Variants in ZNF570 observed in about 807,000 individuals in gnomAD.
ZNF570 encodes the protein zinc finger protein 570.
A neutral mutation model predicts 14.2 loss-of-function variants in ZNF570; 8 were observed. The ratio of observed to expected loss-of-function variants is 0.56; its 90% CI spans 0.33 to 1.02. The LOEUF (loss-of-function observed/expected upper bound fraction) is 1.02, where lower values mean the gene tolerates loss of function less well. Ranked by LOEUF, ZNF570 falls within the 50% of genes least tolerant of loss-of-function variation. ZNF570 has a pLI of 0.03. For synonymous variants in ZNF570, 202 were observed against 207.6 expected (o/e 0.97, Z 0.23); for missense variants, 559 against 624.9 (o/e 0.89, Z 1.12).
At chr19:37,468,148 G>A, upstream of ZNF570, 1 of 577,056 alleles carries the variant, frequency 1.7e-6, no homozygotes, top group Non-Finnish European at 3.1e-6. Context: ...GTGCAGCGGC[G>A]CGATGTTGGC....
rs769630576 is a variant in ZNF570, at chr19:37,484,137, A to G, written c.515A>G (p.His172Arg). Reference protein sequence around the residue: ...EQEYKSWGSFHQNPLLCTQKI... With the variant: ...EQEYKSWGSFRQNPLLCTQKI... ...GAATATAAATCTTGGGGAAGTTTTC[A>G]TCAGAACCCACTGCTTTGTACACAA... is the stretch of plus-strand genomic sequence containing the variant. Residue 172 changes from histidine (H) to arginine (R), a missense_variant, in exon 5 of 5, where the codon CAT (histidine) becomes CGT (arginine). Transcript: ENST00000330173. The G allele has an allele frequency of 5.0e-6, 8 of 1,613,944 alleles. No homozygotes were observed. In the Admixed American group the frequency reaches 8.3e-5, roughly 17 times the overall value.
At chr19:37,473,798 G>A (rs2081096) in intron 2 of ZNF570, among the ~76,000 whole-genome samples, 39,976 of 152,054 alleles carry the variant, frequency 0.26, 6,424 homozygotes, top group African/African-American at 0.44. Context: ...GCATTGAAGA[G>A]AGTAACAGTG....
intron 4 of ZNF570, among the ~76,000 whole-genome samples, chr19:37,482,267 C>G (rs528299567): frequency 1.2e-4 from 18 of 152,266 alleles, no homozygotes; most frequent in African/African-American, 3.6e-4. Flanking sequence ...AATATAATAC[C>G]TGAGACTGGG....
In ZNF570 at chr19:37,476,360, G is replaced by A. The variant is rs937186778; in HGVS notation, c.182G>A (p.Ser61Asn). Reference sequence around the variant, plus strand: ...GCAGGACTTTGCTTTTCCAAACCAAGTGTGATATTATTGTTGGAACAAGGA... The same window carrying A: ...GCAGGACTTTGCTTTTCCAAACCAAATGTGATATTATTGTTGGAACAAGGA... ...VSLGLCFSKP[S>N]VILLLEQGKA... Residue 61 changes from serine (S) to asparagine (N), a missense_variant, in exon 4 of 5, where the codon AGT (serine) becomes AAT (asparagine). Transcript: ENST00000330173. 2 of 1,613,670 alleles carry A rather than the reference G, an allele frequency of 1.2e-6. No homozygotes were observed. The highest frequency in any genetic ancestry group is 8.5e-7 in the Non-Finnish European group (1 of 1,179,924).
intron 2 of ZNF570, among the ~76,000 whole-genome samples, chr19:37,474,255 CAAG>C (rs1242902216): frequency 2.0e-5 from 3 of 152,040 alleles, no homozygotes; most frequent in Non-Finnish European, 2.9e-5. Flanking sequence ...TGTTGACTAT[CAAG>C]AATCAGTGGA....
intron 2 of ZNF570, 151 bp downstream of exon 2, chr19:37,470,538 G>T: frequency 1.4e-6 from 1 of 708,624 alleles, no homozygotes; most frequent in Non-Finnish European, 2.4e-6. Flanking sequence ...CAAGATAAAC[G>T]CGTAAGTCCT....
chr19:37,475,641 A>G lies in ZNF570; in HGVS notation c.34-240A>G, dbSNP rs544874902. ...TGAGGAGGGTGAAGAACAGGCAATG[A>G]ATAAAATAATTAAGTGCAGTGGAGA... On this transcript the variant is annotated intron_variant, in intron 2 of 4. Coordinates refer to ENST00000330173, the MANE Select transcript of ZNF570 (RefSeq NM_144694.5). 1.1e-4 allele frequency among the ~76,000 whole-genome samples: 17 copies of G among 152,274 alleles called. No individual in the cohort carries two copies. In the South Asian group the frequency reaches 3.5e-3, roughly 32 times the overall value.
At chr19:37,476,778 C>T (rs1600381650) in intron 4 of ZNF570, among the ~76,000 whole-genome samples, 2 of 142,490 alleles carry the variant, frequency 1.4e-5, no homozygotes, top group South Asian at 2.2e-4. Flanking sequence ...GGTGCAGTCT[C>T]GGCTCACTGC....
intron 4 of ZNF570, among the ~76,000 whole-genome samples, chr19:37,479,489 T>C (rs1342833721): frequency 2.0e-5 from 3 of 152,138 alleles, no homozygotes; most frequent in African/African-American, 7.2e-5. Flanking sequence ...GTGTTTGATA[T>C]TTGCTCATTA....
At position 37,475,884 on chromosome 19, in the gene ZNF570, T is replaced by C. The variant is rs201702412; in HGVS notation, c.37T>C (p.Leu13=). 12 of 1,608,514 alleles carry C rather than the reference T, an allele frequency of 7.5e-6. No individual in the cohort carries two copies. The East Asian group carries it at 2.7e-4, about 36-fold the overall frequency. ...TCTTCCATTTATTTCATTTCAGGAG[T>C]TGGTGACCTTCAGAGATGTGGCTGT... is the stretch of plus-strand genomic sequence containing the variant. ...VGLLKAMYQE[L]VTFRDVAVDF... The change falls in exon 3 of 5, where the codon TTG becomes CTG. Residue 13 remains leucine, a synonymous_variant. Transcript: ENST00000330173.
At chr19:37,469,140 G>A (rs2041906391), upstream of ZNF570, 1 of 1,110,452 alleles carries the variant, frequency 9.0e-7, no homozygotes. Context: ...CAGGGAATCC[G>A]GACTTTCGGG....
chr19:37,469,193 T>C (rs1020117200), upstream of ZNF570: 6 of 1,248,666 alleles, frequency 4.8e-6, 1 homozygote, highest in Middle Eastern at 9.7e-4. Flanking sequence ...GAGGACCTGG[T>C]GGGGAGGAGG....
At chr19:37,479,740 CTCTT>C (rs1250573873) in intron 4 of ZNF570, among the ~76,000 whole-genome samples, 1 of 151,986 alleles carries the variant, frequency 6.6e-6, no homozygotes, top group African/African-American at 2.4e-5. Context: ...TATTGTTACT[CTCTT>C]TAATTCTAGT....
upstream of ZNF570, chr19:37,468,952 G>A (rs1568759655): frequency 1.4e-6 from 1 of 717,992 alleles, no homozygotes; most frequent in African/African-American, 1.9e-5. Flanking sequence ...TTGAGTAGAC[G>A]CGCCACTAGC....
At chr19:37,467,855 CTGTT>C (rs1234914082), upstream of ZNF570, 2 of 1,535,322 alleles carry the variant, frequency 1.3e-6, no homozygotes, top group Non-Finnish European at 8.7e-7. Flanking sequence ...ATTCTCGTGG[CTGTT>C]TGATTCTGAC....
rs970821663 is a variant in ZNF570, at chr19:37,487,290, C to T, written c.*2057C>T. 3.3e-5 allele frequency: 5 copies of T among 150,764 alleles called. No homozygotes were observed. Among genetic ancestry groups the T allele is most frequent in the African/African-American group, 1.2e-4 (5 of 40,896 alleles). The allele number at this position is 150,764 out of a possible 1,614,324, so 9.3% of individuals were successfully genotyped here. On this transcript the variant is annotated 3_prime_UTR_variant, in exon 5 of 5. Transcript: ENST00000330173. ...TAATTTAGAAGGCATGTAAAGTGTT[C>T]CATACTATAGAAAAATGTAAAGTTT...
intron 2 of ZNF570, among the ~76,000 whole-genome samples, chr19:37,473,468 G>A (rs1284387263): frequency 6.6e-6 from 1 of 152,068 alleles, no homozygotes; most frequent in Non-Finnish European, 1.5e-5. Context: ...GTGAAAAAGT[G>A]GCAAAAAGTG....
intron 2 of ZNF570, among the ~76,000 whole-genome samples, chr19:37,471,240 C>T (rs1019531359): frequency 1.3e-5 from 2 of 150,148 alleles, no homozygotes; most frequent in Non-Finnish European, 3.0e-5. Flanking sequence ...GTCTCGATCT[C>T]CTGACCTCGT....
At chr19:37,471,349 T>TAGC (rs1472161543) in intron 2 of ZNF570, among the ~76,000 whole-genome samples, 2 of 152,168 alleles carry the variant, frequency 1.3e-5, no homozygotes, top group Non-Finnish European at 1.5e-5. Flanking sequence ...GGCCTTGCAC[T>TAGC]TGCTATTCTC....
Sources: allele counts gnomAD v4.1 joint callset (sites outside exome capture counted in the v4.1 genomes callset), GRCh38; gene constraint gnomAD v4.1.1; transcripts MANE v1.5; gene names NCBI Gene and HGNC (gene_info 2026-07-23, HGNC 2026-07-21).